LRRC37A2: variants seen among roughly 807,000 people sequenced by gnomAD.
LRRC37A2 encodes leucine rich repeat containing 37 member A2, also known as leucine-rich repeat-containing protein 37A2.
In LRRC37A2, 9 loss-of-function variants were observed where a neutral mutation model predicts 68.8. The observed-to-expected ratio is 0.13, with a 90% CI of 0.08 to 0.23. The LOEUF (loss-of-function observed/expected upper bound fraction) is 0.23. Among genes scored for constraint, LRRC37A2 ranks in the 10% least tolerant of loss-of-function variants. LRRC37A2 has a pLI of 1.00. For missense variants in LRRC37A2, 168 were observed against 950.4 expected, an observed-to-expected ratio of 0.18 and a Z score of 10.82; for synonymous variants, 63 against 367.6, an observed-to-expected ratio of 0.17 and a Z score of 9.48.
chr17:46,735,841 A>G, the LRRC37A2 span, among the ~76,000 whole-genome samples: 1 of 152,116 alleles, frequency 6.6e-6, no homozygotes, highest in Non-Finnish European at 1.5e-5. Flanking sequence ...GCGACTCGGG[A>G]AGCTGAGGCA....
At chr17:46,951,445 C>A in the LRRC37A2 span, among the ~76,000 whole-genome samples, 1 of 152,238 alleles carries the variant, frequency 6.6e-6, no homozygotes, top group Non-Finnish European at 1.5e-5. Flanking sequence ...CGCCAGCCCA[C>A]GTCTCCAGAT....
At chr17:46,755,925 G>A in the LRRC37A2 span, 6 of 1,140,782 alleles carry the variant, frequency 5.3e-6, no homozygotes, top group African/African-American at 1.5e-5. Flanking sequence ...TAAGTGGAAC[G>A]TTCTCTACCT....
the LRRC37A2 span, among the ~76,000 whole-genome samples, chr17:47,025,300 G>A: frequency 6.6e-6 from 1 of 152,124 alleles, no homozygotes; most frequent in Admixed American, 6.5e-5. Flanking sequence ...TTGCCTAAAG[G>A]AGAAGAAAAT....
chr17:46,499,419 C>G, the LRRC37A2 span, among the ~76,000 whole-genome samples: 1 of 149,678 alleles, frequency 6.7e-6, no homozygotes, highest in Non-Finnish European at 1.5e-5. Flanking sequence ...AGTCTGAAAA[C>G]GCAGGAGTCA....
the LRRC37A2 span, among the ~76,000 whole-genome samples, chr17:46,897,739 C>A: frequency 6.6e-6 from 1 of 152,024 alleles, no homozygotes; most frequent in Non-Finnish European, 1.5e-5. Flanking sequence ...ATCCTCCTAC[C>A]CCAGCTTCCC....
At chr17:46,935,889 G>A in the LRRC37A2 span, 1 of 985,984 alleles carries the variant, frequency 1.0e-6, no homozygotes, top group Non-Finnish European at 1.2e-6. Context: ...CGTGGGTTCT[G>A]TCTGTTATCA....
intron 8 of LRRC37A2, among the ~76,000 whole-genome samples, chr17:46,546,013 TG>T (rs2056258371): frequency 6.7e-6 from 1 of 149,024 alleles, no homozygotes; most frequent in Admixed American, 6.7e-5. Context: ...TACTAATCAC[TG>T]TCACCCAATT....
chr17:46,742,485 G>A, the LRRC37A2 span, among the ~76,000 whole-genome samples: 1 of 152,212 alleles, frequency 6.6e-6, no homozygotes, highest in African/African-American at 2.4e-5. Flanking sequence ...TCCTGATGAA[G>A]GAGAACTAGC....
the LRRC37A2 span, among the ~76,000 whole-genome samples, chr17:46,606,052 G>T: frequency 3.9e-4 from 37 of 95,406 alleles, no homozygotes; most frequent in Admixed American, 9.5e-4. Flanking sequence ...GGTGGCGCAT[G>T]CCTGTAATCC....
the LRRC37A2 span, chr17:47,047,217 T>C: frequency 1.1e-5 from 2 of 175,264 alleles, no homozygotes; most frequent in South Asian, 7.4e-5. Flanking sequence ...TGCAAGACAG[T>C]CAAGCTGCAT....
chr17:46,955,583 A>G, the LRRC37A2 span: 1 of 151,996 alleles, frequency 6.6e-6, no homozygotes, highest in African/African-American at 2.4e-5. Flanking sequence ...TTAAGGAAAA[A>G]CTCATTAATT....
At chr17:46,711,484 A>G in the LRRC37A2 span, among the ~76,000 whole-genome samples, 4 of 152,210 alleles carry the variant, frequency 2.6e-5, no homozygotes, top group African/African-American at 4.8e-5. Flanking sequence ...GTGTTCATTC[A>G]GTCTGGTCAT....
the LRRC37A2 span, chr17:46,978,557 G>A: frequency 1.4e-6 from 2 of 1,452,488 alleles, no homozygotes; most frequent in Non-Finnish European, 1.8e-6. Flanking sequence ...GCCCGGAGGC[G>A]GCGGCAGAGC....
At chr17:46,885,193 A>G in the LRRC37A2 span, 2 of 322,710 alleles carry the variant, frequency 6.2e-6, no homozygotes, top group Admixed American at 8.6e-5. Flanking sequence ...TTTAGTAGAG[A>G]TGAGGTTTCT....
chr17:46,721,720 A>T, the LRRC37A2 span: 1 of 1,606,450 alleles, frequency 6.2e-7, no homozygotes, highest in African/African-American at 1.3e-5. Flanking sequence ...GCCGGCTGCT[A>T]TCTAGTTTGA....
chr17:47,008,868 A>G, the LRRC37A2 span, among the ~76,000 whole-genome samples: 3 of 152,206 alleles, frequency 2.0e-5, no homozygotes, highest in Admixed American at 6.5e-5. Flanking sequence ...TTAAAATATT[A>G]AGATATTTGT....
At chr17:46,998,215 C>A in the LRRC37A2 span, among the ~76,000 whole-genome samples, 4 of 152,142 alleles carry the variant, frequency 2.6e-5, no homozygotes, top group African/African-American at 9.7e-5. Context: ...GAGTGACCAA[C>A]ACTTGATAAA....
the LRRC37A2 span, among the ~76,000 whole-genome samples, chr17:46,867,198 G>C: frequency 6.6e-6 from 1 of 152,236 alleles, no homozygotes; most frequent in Non-Finnish European, 1.5e-5. Flanking sequence ...AGCTTCTTGA[G>C]GGCAGGACCG....
the LRRC37A2 span, among the ~76,000 whole-genome samples, chr17:46,960,016 C>T: frequency 6.6e-6 from 1 of 152,154 alleles, no homozygotes; most frequent in East Asian, 1.9e-4. Flanking sequence ...CTTGGTTGGG[C>T]CAGGACATCC....
Sources: gnomAD v4.1 joint callset for allele counts (sites outside exome capture counted in the v4.1 genomes callset) on GRCh38, gnomAD v4.1.1 for gene constraint, MANE v1.5 for transcripts, NCBI Gene and HGNC (gene_info 2026-07-23, HGNC 2026-07-21) for gene names.